The following PIEZO2 variants were observed in gnomAD, a reference collection of about 807,000 sequenced individuals.
PIEZO2 encodes piezo type mechanosensitive ion channel component 2, also known as piezo-type mechanosensitive ion channel component 2.
PIEZO2 carries 172 observed loss-of-function variants against 337.3 expected under a neutral mutation model. The observed-to-expected ratio is 0.51, with a 90% confidence interval of 0.45 to 0.58. The LOEUF is 0.58. Ranked by LOEUF, PIEZO2 falls within the 20% of genes least tolerant of loss-of-function variation. The pLI is 0.00. For synonymous variants in PIEZO2, 1,251 were observed against 1,228.5 expected (o/e 1.02, Z -0.38); for missense variants, 3,028 against 3,391.3 (o/e 0.89, Z 2.66).
At chr18:10,989,604 A>T (rs530453749) in intron 2 of PIEZO2, among the ~76,000 whole-genome samples, 1 of 152,162 alleles carries the variant, frequency 6.6e-6, no homozygotes, top group African/African-American at 2.4e-5. Context: ...AATGTATATG[A>T]AATTAATATT....
chr18:10,691,095 C>T (rs777395621), intron 48 of PIEZO2, 130 bp downstream of exon 48: 15 of 1,093,474 alleles, frequency 1.4e-5, no homozygotes, highest in Non-Finnish European at 1.7e-5. Context: ...TTGCCAACAT[C>T]GTAAGAGTTC....
intron 2 of PIEZO2, among the ~76,000 whole-genome samples, chr18:10,985,183 A>C (rs950593816): frequency 5.9e-5 from 9 of 152,118 alleles, no homozygotes; most frequent in Admixed American, 5.9e-4. Context: ...TTTCAAAATC[A>C]GAATACCGTA....
intron 3 of PIEZO2, among the ~76,000 whole-genome samples, chr18:10,928,314 AC>A (rs1440405364): frequency 1.3e-5 from 2 of 152,218 alleles, no homozygotes; most frequent in African/African-American, 4.8e-5. Flanking sequence ...CAGAAGTCTT[AC>A]CAAAGTCAAA....
At chr18:10,688,037 G>A (rs912442741) in intron 49 of PIEZO2, among the ~76,000 whole-genome samples, 44 of 152,194 alleles carry the variant, frequency 2.9e-4, no homozygotes, top group African/African-American at 1.0e-3. Flanking sequence ...TGTGCAGAAT[G>A]TGTAGGTTTG....
At chr18:11,076,587 G>T (rs1227200315) in intron 1 of PIEZO2, among the ~76,000 whole-genome samples, 10 of 151,538 alleles carry the variant, frequency 6.6e-5, no homozygotes, top group Admixed American at 5.9e-4. Flanking sequence ...AAAATTTGTT[G>T]CCTTTTAATT....
At chr18:10,880,887 A>ATATATATATATG (rs2042398876) in intron 4 of PIEZO2, among the ~76,000 whole-genome samples, 1 of 83,058 alleles carries the variant, frequency 1.2e-5, no homozygotes, top group Non-Finnish European at 2.5e-5. Flanking sequence ...ATATATATAT[A>ATATATATATATG]TATATATATA....
In PIEZO2 at chr18:10,929,430, A is replaced by G. The variant is rs929208739; in HGVS notation, c.287-18202T>C. 2.6e-5 allele frequency among the ~76,000 whole-genome samples: 4 copies of G among 152,222 alleles called. No individual in the cohort carries two copies. Among genetic ancestry groups the G allele is most frequent in the Non-Finnish European group, 4.4e-5 (3 of 68,042 alleles). On this transcript the variant is annotated intron_variant, in intron 3 of 55. Transcript: ENST00000674853. The surrounding 1 kb of genome is among the most constrained non-coding windows in gnomAD (Gnocchi z 5.6). ...TGATCAGATTCAGACATGTTTTCCC[A>G]TATCTTTAAGTAAGATTGGAATGTT... is the stretch of plus-strand genomic sequence containing the variant.
chr18:11,124,550 G>T (rs1038218917), intron 1 of PIEZO2, among the ~76,000 whole-genome samples: 1 of 152,190 alleles, frequency 6.6e-6, no homozygotes, highest in Non-Finnish European at 1.5e-5. Context: ...TTAAAGCTAA[G>T]GGTTTCCCAA....
Position 10,982,954 on chromosome 18 carries a change from C to T in PIEZO2, c.161-3294G>A, listed in dbSNP as rs2034726477. ...CAGTTTGGTCTCAAACTCCTGACCT[C>T]AAGAGATCCGCCTGCCCCAGCCTCC... On this transcript the variant is annotated intron_variant, in intron 2 of 55. Coordinates refer to ENST00000674853, the MANE Select transcript of PIEZO2 (RefSeq NM_001378183.1). The surrounding 1 kb of genome is among the most constrained non-coding windows in gnomAD (Gnocchi z 4.1). 6.6e-6 allele frequency among the ~76,000 whole-genome samples: 1 copy of T among 152,100 alleles called. No homozygotes were observed.
intron 21 of PIEZO2, among the ~76,000 whole-genome samples, chr18:10,765,796 C>A (rs553497190): frequency 2.0e-5 from 3 of 152,062 alleles, no homozygotes; most frequent in Admixed American, 2.0e-4. Flanking sequence ...CAGAAACACG[C>A]TGTGGACAGA....
At chr18:11,095,697 T>C (rs915654447) in intron 1 of PIEZO2, among the ~76,000 whole-genome samples, 1 of 152,168 alleles carries the variant, frequency 6.6e-6, no homozygotes, top group African/African-American at 2.4e-5. Context: ...TTTATAAAAG[T>C]TAATAACCTC....
chr18:10,711,100 C>T (rs1349997846), intron 39 of PIEZO2, among the ~76,000 whole-genome samples: 2 of 152,208 alleles, frequency 1.3e-5, no homozygotes, highest in East Asian at 3.8e-4. Context: ...TTAAATATCT[C>T]TTAACTCACA....
rs753026122 is a variant in PIEZO2, at chr18:10,855,733, C to G, written c.704-167G>C. Among the ~76,000 whole-genome samples the G allele has an allele frequency of 6.6e-6, 1 of 151,942 alleles. No individual in the cohort carries two copies. The highest frequency in any genetic ancestry group is 1.5e-5 in the Non-Finnish European group (1 of 67,976). On this transcript the variant is annotated intron_variant, in intron 6 of 55. Transcript: ENST00000674853. The surrounding 1 kb of genome is among the most constrained non-coding windows in gnomAD (Gnocchi z 4.9). ...TTGATTTATATAATAAAAATTAATG[C>G]TAGATTTATTGTGAAAAAGTCACAT...
intron 7 of PIEZO2, among the ~76,000 whole-genome samples, chr18:10,831,622 A>G (rs118071127): frequency 9.9e-4 from 151 of 152,340 alleles, no homozygotes; most frequent in Non-Finnish European, 1.7e-3. Flanking sequence ...TTTACTGTAC[A>G]GTTTAAAATA....
At chr18:10,827,996 C>T (rs1598544258) in intron 7 of PIEZO2, among the ~76,000 whole-genome samples, 1 of 152,190 alleles carries the variant, frequency 6.6e-6, no homozygotes, top group East Asian at 1.9e-4. Flanking sequence ...AAAAGTCACC[C>T]CCAGGTCACT....
Position 11,010,023 on chromosome 18 carries a change from G to C in PIEZO2, c.161-30363C>G, listed in dbSNP as rs76712695. On this transcript the variant is annotated intron_variant, in intron 2 of 55. Coordinates refer to ENST00000674853, the MANE Select transcript of PIEZO2 (RefSeq NM_001378183.1). Reference sequence around the variant, plus strand: ...TGATGGCATTTTGTTATAACAGCAAGAGTAAATGAATACGTACAGGCAATT... The same window carrying C: ...TGATGGCATTTTGTTATAACAGCAACAGTAAATGAATACGTACAGGCAATT... Among the ~76,000 whole-genome samples the C allele has an allele frequency of 8.6e-3, 1,307 of 152,262 alleles. 17 individuals are homozygous for C. The highest frequency in any genetic ancestry group is 0.029 in the African/African-American group (1,196 of 41,544).
intron 2 of PIEZO2, among the ~76,000 whole-genome samples, chr18:10,999,909 G>A (rs976944004): frequency 3.3e-5 from 5 of 152,120 alleles, no homozygotes; most frequent in East Asian, 1.9e-4. Flanking sequence ...CTGGGACTTC[G>A]AAATAAACTC....
chr18:11,075,948 C>G (rs538340152), intron 1 of PIEZO2, among the ~76,000 whole-genome samples: 1 of 152,058 alleles, frequency 6.6e-6, no homozygotes, highest in South Asian at 2.1e-4. Context: ...CGCCACCATG[C>G]CCGGCTAATT....
At position 11,092,797 on chromosome 18, in the gene PIEZO2, T is replaced by A. The variant is rs886921112; in HGVS notation, c.65-26575A>T. ...GTCGGAACTGAGAACATTTATGGCA[T>A]GAGGACCTTCTGTGGCCCCCTCATC... On this transcript the variant is annotated intron_variant, in intron 1 of 55. Coordinates refer to ENST00000674853, the MANE Select transcript of PIEZO2 (RefSeq NM_001378183.1). This position sits in a 1 kb window ranked among gnomAD's most constrained non-coding sequence, Gnocchi z 4.5. Among the ~76,000 whole-genome samples the A allele has an allele frequency of 6.6e-6, 1 of 152,234 alleles. No individual in the cohort carries two copies. Among genetic ancestry groups the A allele is most frequent in the African/African-American group, 2.4e-5 (1 of 41,460 alleles).
Sources: allele counts gnomAD v4.1 joint callset (sites outside exome capture counted in the v4.1 genomes callset), GRCh38; gene constraint gnomAD v4.1.1; non-coding constraint Gnocchi (gnomAD v3.1); transcripts MANE v1.5; gene names NCBI Gene and HGNC (gene_info 2026-07-23, HGNC 2026-07-21).